The following CDH23 variants were observed in gnomAD, a reference collection of about 807,000 sequenced individuals.
CDH23 encodes the protein cadherin related 23, also known as cadherin-23.
Under a neutral mutation model 317.1 loss-of-function variants are expected in CDH23, and 189 were observed. That is an observed-to-expected ratio of 0.60 (90% CI 0.53 to 0.67). The LOEUF (loss-of-function observed/expected upper bound fraction) is 0.67, where lower values mean the gene tolerates loss of function less well. Ranked by LOEUF, CDH23 falls within the 30% of genes least tolerant of loss-of-function variation. The pLI, the probability that CDH23 is intolerant of heterozygous loss-of-function variation, is 0.00. For synonymous variants in CDH23, 1,839 were observed against 1,876.8 expected (o/e 0.98, Z 0.52); for missense variants, 4,401 against 4,592.4 (o/e 0.96, Z 1.20).
intron 9 of CDH23, among the ~76,000 whole-genome samples, chr10:71,580,390 G>C (rs1413500169): frequency 6.6e-6 from 1 of 152,216 alleles, no homozygotes; most frequent in Non-Finnish European, 1.5e-5. Context: ...GTGGAGGCGA[G>C]GGCAGGAGAC....
chr10:71,630,985 T>A lies in CDH23; in HGVS notation c.1135-12876T>A, dbSNP rs558311058. 2.5e-4 allele frequency among the ~76,000 whole-genome samples: 38 copies of A among 152,306 alleles called. 1 individual carries two copies. In the South Asian group the frequency reaches 4.1e-3, roughly 17 times the overall value. On this transcript the variant is annotated intron_variant, in intron 11 of 69. Transcript: ENST00000224721. Reference sequence around the variant, plus strand: ...GGTGGCCGGCATGGCGGCCCACACCTGTAATCCCAGCACTTTGGGAGGCCA... The same window carrying A: ...GGTGGCCGGCATGGCGGCCCACACCAGTAATCCCAGCACTTTGGGAGGCCA...
intron 3 of CDH23, among the ~76,000 whole-genome samples, chr10:71,505,969 A>G (rs113624361): frequency 0.016 from 2,499 of 152,364 alleles, 58 homozygotes; most frequent in African/African-American, 0.053. Context: ...TAGTCAACAG[A>G]TGGGAACAAC....
At chr10:71,759,198 T>C (rs1439441559) in intron 38 of CDH23, among the ~76,000 whole-genome samples, 1 of 151,392 alleles carries the variant, frequency 6.6e-6, no homozygotes, top group African/African-American at 2.4e-5. Flanking sequence ...CCACCATGCC[T>C]GGCTAATTTT....
intron 18 of CDH23, among the ~76,000 whole-genome samples, chr10:71,684,392 G>A (rs1163665828): frequency 6.6e-6 from 1 of 152,140 alleles, no homozygotes; most frequent in East Asian, 1.9e-4. Context: ...TTCTGTGCTG[G>A]GCCCCCAGTA....
At chr10:71,740,710 C>A in intron 36 of CDH23, 112 bp from the exon 37 acceptor site, 1 of 1,460,182 alleles carries the variant, frequency 6.8e-7, no homozygotes, top group Non-Finnish European at 9.3e-7. Flanking sequence ...CTCAGTGAGT[C>A]TCTTTGCCCT....
intron 9 of CDH23, among the ~76,000 whole-genome samples, chr10:71,600,734 T>C (rs1260850448): frequency 6.6e-6 from 1 of 151,902 alleles, no homozygotes. Context: ...GCCGCAATGG[T>C]CTCGATCTCC....
chr10:71,760,899 C>T (rs1389265713), intron 38 of CDH23: 1 of 1,613,686 alleles, frequency 6.2e-7, no homozygotes, highest in East Asian at 2.2e-5. Context: ...ATGGGTACAC[C>T]ACACAGTTGG....
intron 2 of CDH23, among the ~76,000 whole-genome samples, chr10:71,443,245 C>T (rs1270572190): frequency 1.3e-5 from 2 of 152,164 alleles, no homozygotes; most frequent in African/African-American, 4.8e-5. Context: ...GTTCTTCATG[C>T]CCTCAGAGGA....
rs1425603969 is a variant in CDH23, at chr10:71,397,082, G to C, written c.-242G>C. On this transcript the variant is annotated 5_prime_UTR_variant, in exon 1 of 70. Coordinates refer to ENST00000224721, the MANE Select transcript of CDH23 (RefSeq NM_022124.6). This position sits in a 1 kb window ranked among gnomAD's most constrained non-coding sequence, Gnocchi z 4.8. ...GCGCGGGGTGGCAGAGCCTCTGGAC[G>C]TTTGGGGCGCGCCCAGTCCGAGCCC... 1 of 162,100 alleles carries C rather than the reference G, an allele frequency of 6.2e-6. No homozygotes were observed. Among genetic ancestry groups the C allele is most frequent in the Non-Finnish European group, 1.3e-5 (1 of 75,450 alleles). 10.0% of individuals were successfully genotyped at this position (162,100 alleles called of 1,614,324 possible). A position where few individuals can be genotyped will look rare whatever the true frequency, so the allele number is the denominator to read the frequency against.
At chr10:71,806,024 C>CGG in intron 56 of CDH23, 27 bp downstream of exon 56, 1 of 471,198 alleles carries the variant, frequency 2.1e-6, no homozygotes, top group Non-Finnish European at 3.8e-6. Context: ...GTGCGAGGGG[C>CGG]GGGGTCTGGG....
intron 3 of CDH23, among the ~76,000 whole-genome samples, chr10:71,485,815 C>G (rs987832457): frequency 1.3e-5 from 2 of 152,194 alleles, no homozygotes; most frequent in East Asian, 3.8e-4. Context: ...CCTCAGGGTG[C>G]TCCAATTCTA....
rs10823792 is a variant in CDH23, at chr10:71,583,714, C to A, written c.832+5722C>A. ...GCAGCTCAGGACCATCCCCGAGTGA[C>A]GGGAGGAGAACCCTGTTTATTGGGT... On this transcript the variant is annotated intron_variant, in intron 9 of 69. Coordinates refer to ENST00000224721, the MANE Select transcript of CDH23 (RefSeq NM_022124.6). 8.2e-4 allele frequency among the ~76,000 whole-genome samples: 125 copies of A among 152,182 alleles called. 1 individual carries two copies. Among genetic ancestry groups the A allele is most frequent in the African/African-American group, 2.9e-3 (120 of 41,498 alleles).
At chr10:71,424,217 C>T (rs1317828963) in intron 1 of CDH23, among the ~76,000 whole-genome samples, 1 of 152,220 alleles carries the variant, frequency 6.6e-6, no homozygotes, top group Non-Finnish European at 1.5e-5. Flanking sequence ...CGCTCCCCGC[C>T]TGATGGTTCC....
intron 3 of CDH23, among the ~76,000 whole-genome samples, chr10:71,483,879 T>C (rs527510895): frequency 6.6e-6 from 1 of 152,184 alleles, no homozygotes; most frequent in African/African-American, 2.4e-5. Flanking sequence ...ACACACATGT[T>C]CACTCTCCCC....
chr10:71,815,555 G>C lies in CDH23; in HGVS notation c.*277G>C. 1 of 319,280 alleles carries C rather than the reference G, an allele frequency of 3.1e-6. No individual in the cohort carries two copies. Among genetic ancestry groups the C allele is most frequent in the Non-Finnish European group, 5.8e-6 (1 of 173,294 alleles). The allele number at this position is 319,280 out of a possible 1,614,324, so 19.8% of individuals were successfully genotyped here. A position where few individuals can be genotyped will look rare whatever the true frequency, so the allele number is the denominator to read the frequency against. On this transcript the variant is annotated 3_prime_UTR_variant, in exon 70 of 70. Transcript: ENST00000224721. ...AAGGACAAGGTAAGGAGGGTCACTGGGGCCCAAGAGTCTGGGGACCAGCTT... is the reference window on the plus strand; with the variant it reads ...AAGGACAAGGTAAGGAGGGTCACTGCGGCCCAAGAGTCTGGGGACCAGCTT...
intron 6 of CDH23, among the ~76,000 whole-genome samples, chr10:71,558,279 C>T (rs10823784): frequency 1.3e-5 from 2 of 152,012 alleles, no homozygotes; most frequent in African/African-American, 4.8e-5. Context: ...GGATTACAGG[C>T]ATGAGCCACC....
chr10:71,474,627 G>A (rs1288674375), intron 3 of CDH23, among the ~76,000 whole-genome samples: 2 of 152,220 alleles, frequency 1.3e-5, no homozygotes, highest in African/African-American at 4.8e-5. Flanking sequence ...TGCTCATTAG[G>A]GGCACGGGGT....
intron 30 of CDH23, 142 bp from the exon 31 acceptor site, chr10:71,730,327 C>A: frequency 9.8e-7 from 1 of 1,019,928 alleles, no homozygotes; most frequent in Non-Finnish European, 1.4e-6. Flanking sequence ...AGTGACCCAC[C>A]AGACAGGCCT....
Position 71,812,896 on chromosome 10 carries a change from C to T in CDH23, c.9633+6C>T, listed in dbSNP as rs1199468576. On this transcript the variant is annotated splice_donor_region_variant and intron_variant, in intron 68 of 69. Transcript: ENST00000224721. ...TTCGTGAGGGGCCAATCAAGGTGAG[C>T]CTTCCCTGCAGGCTCCGCGCCCAGT... The T allele has an allele frequency of 6.2e-7, 1 of 1,612,954 alleles. No homozygotes were observed. The highest frequency in any genetic ancestry group is 8.5e-7 in the Non-Finnish European group (1 of 1,179,518).
Sources: allele counts gnomAD v4.1 joint callset (sites outside exome capture counted in the v4.1 genomes callset), GRCh38; gene constraint gnomAD v4.1.1; non-coding constraint Gnocchi (gnomAD v3.1); transcripts MANE v1.5; gene names NCBI Gene and HGNC (gene_info 2026-07-23, HGNC 2026-07-21).